The following EYS variants were observed in gnomAD, a reference collection of about 807,000 sequenced individuals.
EYS encodes the protein EGF-like photoreceptor maintenance factor.
EYS carries 250 observed loss-of-function variants against 282.1 expected under a neutral mutation model. The observed-to-expected ratio is 0.89, with a 90% CI of 0.80 to 0.98. EYS has a LOEUF of 0.98. Ranked by LOEUF, EYS falls within the 50% of genes least tolerant of loss-of-function variation. The probability of loss-of-function intolerance (pLI) is 0.00; values close to 1 mark genes in which losing one functional copy is unlikely to be tolerated. For missense variants in EYS, 4,016 were observed against 3,709.0 expected (o/e 1.08, Z -2.15); for synonymous variants, 1,355 against 1,282.9 (o/e 1.06, Z -1.20).
intron 31 of EYS, among the ~76,000 whole-genome samples, chr6:64,154,440 CAAAAAA>C (rs397819570): frequency 0.034 from 2,022 of 59,532 alleles, 55 homozygotes; most frequent in African/African-American, 0.094. Context: ...AACTCCGTCT[CAAAAAA>C]AAAAAAAAAA....
intron 26 of EYS, among the ~76,000 whole-genome samples, chr6:64,525,190 A>G (rs1777877316): frequency 6.6e-6 from 1 of 151,804 alleles, no homozygotes; most frequent in Non-Finnish European, 1.5e-5. Flanking sequence ...ACCCAAAGGA[A>G]TCTAAATCAT....
At chr6:64,734,630 G>T (rs1294543153) in intron 22 of EYS, among the ~76,000 whole-genome samples, 3 of 152,054 alleles carry the variant, frequency 2.0e-5, no homozygotes, top group African/African-American at 4.8e-5. Flanking sequence ...AGGCCATTCT[G>T]CTCCATTTTC....
At chr6:63,721,878 G>T in intron 42 of EYS, 81 bp from the exon 43 acceptor site, 2 of 1,342,622 alleles carry the variant, frequency 1.5e-6, no homozygotes, top group Admixed American at 2.7e-5. Flanking sequence ...GGCCAAGTTG[G>T]ATAAGTTTTA....
intron 26 of EYS, among the ~76,000 whole-genome samples, chr6:64,554,273 A>G (rs1765174942): frequency 1.3e-5 from 2 of 152,096 alleles, no homozygotes; most frequent in African/African-American, 2.4e-5. Context: ...CTGCTATACC[A>G]TAGAAATAAC....
At chr6:65,455,383 A>G (rs1764563222) in intron 5 of EYS, among the ~76,000 whole-genome samples, 1 of 152,270 alleles carries the variant, frequency 6.6e-6, no homozygotes, top group South Asian at 2.1e-4. Context: ...ATTAGTTCCA[A>G]CAGTTTTTCT....
chr6:65,177,793 T>C (rs532290420), intron 12 of EYS, among the ~76,000 whole-genome samples: 3 of 151,918 alleles, frequency 2.0e-5, no homozygotes, highest in African/African-American at 7.2e-5. Flanking sequence ...GTCATTTCCA[T>C]GAAGAGTAAT....
intron 19 of EYS, among the ~76,000 whole-genome samples, chr6:64,864,363 A>G (rs1279842140): frequency 2.0e-5 from 2 of 100,418 alleles, no homozygotes; most frequent in Non-Finnish European, 4.6e-5. Flanking sequence ...TAATTTTGAG[A>G]AATACAGAGG....
intron 13 of EYS, among the ~76,000 whole-genome samples, chr6:65,047,410 G>GT (rs759123044): frequency 3.3e-5 from 5 of 151,874 alleles, no homozygotes; most frequent in African/African-American, 1.2e-4. Context: ...TCTGGATCCT[G>GT]TTTTTTGTTT....
intron 2 of EYS, among the ~76,000 whole-genome samples, chr6:65,546,593 G>GT (rs909067590): frequency 1.1e-4 from 17 of 149,646 alleles, no homozygotes; most frequent in African/African-American, 3.9e-4. Context: ...TTTGTTTTTT[G>GT]TTTTTTGAGA....
At chr6:63,901,977 C>G (rs1773669828) in intron 35 of EYS, among the ~76,000 whole-genome samples, 1 of 152,172 alleles carries the variant, frequency 6.6e-6, no homozygotes, top group South Asian at 2.1e-4. Flanking sequence ...ACTGCAACTT[C>G]TGCCCCCCTG....
chr6:64,148,440 G>A (rs3013165), intron 31 of EYS, among the ~76,000 whole-genome samples: 67,954 of 151,914 alleles, frequency 0.45, 17,321 homozygotes, highest in African/African-American at 0.7. Flanking sequence ...TTTTCATACA[G>A]AGAGAATAGG....
chr6:64,843,678 T>C (rs2150036536), intron 19 of EYS, among the ~76,000 whole-genome samples: 1 of 152,270 alleles, frequency 6.6e-6, no homozygotes, highest in East Asian at 1.9e-4. Context: ...TACAGACTCA[T>C]AGGCAGAAGG....
intron 30 of EYS, among the ~76,000 whole-genome samples, chr6:64,241,291 A>G (rs942439358): frequency 2.6e-5 from 4 of 151,774 alleles, no homozygotes; most frequent in Non-Finnish European, 4.4e-5. Context: ...CTCTTTTTCT[A>G]TTGTTTCAAA....
intron 22 of EYS, among the ~76,000 whole-genome samples, chr6:64,770,116 A>G (rs1056791239): frequency 1.2e-4 from 18 of 151,932 alleles, no homozygotes; most frequent in African/African-American, 3.6e-4. Flanking sequence ...AGTAGATTCT[A>G]GAAATGTTTT....
intron 36 of EYS, among the ~76,000 whole-genome samples, chr6:63,834,142 A>G (rs1287854714): frequency 6.6e-6 from 1 of 152,204 alleles, no homozygotes; most frequent in Non-Finnish European, 1.5e-5. Flanking sequence ...TTCAGGACAT[A>G]GGCAGGGGCA....
intron 35 of EYS, among the ~76,000 whole-genome samples, chr6:63,917,716 G>A (rs1239009656): frequency 6.6e-6 from 1 of 152,148 alleles, no homozygotes; most frequent in African/African-American, 2.4e-5. Context: ...TTCACAAAAG[G>A]CTGAGTTACA....
At chr6:65,202,264 G>A (rs1241548388) in intron 12 of EYS, among the ~76,000 whole-genome samples, 1 of 152,078 alleles carries the variant, frequency 6.6e-6, no homozygotes, top group African/African-American at 2.4e-5. Context: ...CGGGTATTCT[G>A]TATATTGACA....
intron 36 of EYS, among the ~76,000 whole-genome samples, chr6:63,824,097 C>G (rs761114966): frequency 6.6e-6 from 1 of 152,162 alleles, no homozygotes; most frequent in African/African-American, 2.4e-5. Flanking sequence ...AGATAGCATC[C>G]CACAATCTCG....
At chr6:64,349,340 CTT>C (rs1231429432) in intron 29 of EYS, among the ~76,000 whole-genome samples, 1 of 151,068 alleles carries the variant, frequency 6.6e-6, no homozygotes, top group Non-Finnish European at 1.5e-5. Context: ...TGAGTAAACT[CTT>C]ATTTATTTAA....
Sources: gnomAD v4.1 joint callset for allele counts (sites outside exome capture counted in the v4.1 genomes callset) on GRCh38, gnomAD v4.1.1 for gene constraint, MANE v1.5 for transcripts, NCBI Gene and HGNC (gene_info 2026-07-23, HGNC 2026-07-21) for gene names.